The following UBXN7 variants were observed in gnomAD, a reference collection of about 807,000 sequenced individuals.
UBXN7 encodes the protein UBX domain-containing protein 7.
A neutral mutation model predicts 58.0 loss-of-function variants in UBXN7; 9 were observed. The observed-to-expected ratio is 0.16, with a 90% CI of 0.09 to 0.27. The LOEUF (loss-of-function observed/expected upper bound fraction) is 0.27, where lower values mean the gene tolerates loss of function less well. UBXN7 is among the 10% of genes least tolerant of loss of function. The pLI, the probability that UBXN7 is intolerant of heterozygous loss-of-function variation, is 1.00. For missense variants in UBXN7, 328 were observed against 599.6 expected (o/e 0.55, Z 4.73); for synonymous variants, 208 against 205.0 (o/e 1.01, Z -0.12).
chr3:196,432,067 G>T (rs1731080126), intron 1 of UBXN7: 3 of 608,170 alleles, frequency 4.9e-6, no homozygotes, highest in East Asian at 2.9e-5. Flanking sequence ...CCCATTCCCA[G>T]GTCTGGGCTG....
chr3:196,395,662 C>T (rs958041422), intron 3 of UBXN7, among the ~76,000 whole-genome samples: 4 of 152,028 alleles, frequency 2.6e-5, no homozygotes, highest in African/African-American at 7.2e-5. Context: ...GTCACTATAT[C>T]GCCCAGGCTA....
At chr3:196,423,690 A>T (rs1217070927) in intron 1 of UBXN7, among the ~76,000 whole-genome samples, 2 of 152,096 alleles carry the variant, frequency 1.3e-5, no homozygotes, top group Admixed American at 1.3e-4. Flanking sequence ...CCCCCATCTG[A>T]CTTATCCACT....
chr3:196,423,756 G>A (rs1730759871), intron 1 of UBXN7, among the ~76,000 whole-genome samples: 1 of 152,194 alleles, frequency 6.6e-6, no homozygotes, highest in African/African-American at 2.4e-5. Context: ...GTCCTGCATG[G>A]ATGTGAATTT....
intron 5 of UBXN7, among the ~76,000 whole-genome samples, chr3:196,381,719 C>T (rs1313259632): frequency 3.3e-5 from 5 of 152,148 alleles, no homozygotes; most frequent in African/African-American, 4.8e-5. Flanking sequence ...TCGAACCCAT[C>T]GCAAGGAAGC....
chr3:196,386,441 T>C (rs1421704845), intron 5 of UBXN7, among the ~76,000 whole-genome samples: 4 of 143,960 alleles, frequency 2.8e-5, no homozygotes, highest in Admixed American at 7.0e-5. Context: ...TGTTTGCAGA[T>C]GACATGATTG....
At chr3:196,365,794 G>A (rs1728647554) in intron 8 of UBXN7, among the ~76,000 whole-genome samples, 1 of 152,044 alleles carries the variant, frequency 6.6e-6, no homozygotes, top group African/African-American at 2.4e-5. Context: ...CAGATACCAA[G>A]TAGTCACGTA....
chr3:196,361,737 C>T, intron 10 of UBXN7, 107 bp downstream of exon 10: 1 of 934,186 alleles, frequency 1.1e-6, no homozygotes, highest in South Asian at 1.6e-5. Flanking sequence ...ACTTAATAGA[C>T]TATGGAATAA....
At chr3:196,390,659 TG>T (rs1190250452) in intron 5 of UBXN7, among the ~76,000 whole-genome samples, 1 of 151,394 alleles carries the variant, frequency 6.6e-6, no homozygotes, top group East Asian at 1.9e-4. Context: ...GAGAATTACT[TG>T]AACCTGGGAG....
chr3:196,422,497 G>A (rs2108625306), intron 1 of UBXN7, among the ~76,000 whole-genome samples: 1 of 151,228 alleles, frequency 6.6e-6, no homozygotes, highest in South Asian at 2.1e-4. Flanking sequence ...AAAAAAAAAA[G>A]ACAATTAAAA....
chr3:196,366,521 C>T (rs1728671763), intron 8 of UBXN7, among the ~76,000 whole-genome samples: 1 of 151,628 alleles, frequency 6.6e-6, no homozygotes, highest in Non-Finnish European at 1.5e-5. Context: ...AATATCATGC[C>T]ACTGCAGTCC....
chr3:196,418,906 A>G (rs1730588526), intron 1 of UBXN7, among the ~76,000 whole-genome samples: 1 of 152,192 alleles, frequency 6.6e-6, no homozygotes, highest in Non-Finnish European at 1.5e-5. Flanking sequence ...ATCTTCACAC[A>G]ATCATTTAAT....
chr3:196,399,085 C>A (rs1052393018), intron 3 of UBXN7, among the ~76,000 whole-genome samples: 11 of 152,154 alleles, frequency 7.2e-5, no homozygotes, highest in African/African-American at 2.7e-4. Context: ...AAAGAATGTT[C>A]CATGAAAAAA....
rs976633237 is a variant in UBXN7 at position 196,353,312 on chromosome 3, C to T, written c.*3373G>A. 6 of 152,090 alleles carry T rather than the reference C, an allele frequency of 3.9e-5. No individual in the cohort carries two copies. Among genetic ancestry groups the T allele is most frequent in the South Asian group, 2.1e-4 (1 of 4,816 alleles). The allele number at this position is 152,090 out of a possible 1,614,324, so 9.4% of individuals were successfully genotyped here. A position where few individuals can be genotyped will look rare whatever the true frequency, so the allele number is the denominator to read the frequency against. ...AAAGTATACATTTTGTACGATTCTT[C>T]GGGAGATTGAAGAGGCAAATGTACA... On this transcript the variant is annotated 3_prime_UTR_variant, in exon 11 of 11. Transcript: ENST00000296328.
intron 3 of UBXN7, among the ~76,000 whole-genome samples, chr3:196,401,823 G>GAGAAGAGAAGAGAAGAGAAGAGA (rs145395839): frequency 3.9e-4 from 47 of 120,336 alleles, no homozygotes; most frequent in African/African-American, 1.3e-3. Context: ...GAAAAGAGAA[G>GAGAAGAGAAGAGAAGAGAAGAGA]AGAGAAGAGA....
At chr3:196,393,503 T>G in intron 4 of UBXN7, 51 bp downstream of exon 4, 1 of 1,545,634 alleles carries the variant, frequency 6.5e-7, no homozygotes, top group Non-Finnish European at 8.8e-7. Context: ...ATCTTTGTCT[T>G]TTTAATAGGA....
intron 5 of UBXN7, among the ~76,000 whole-genome samples, chr3:196,373,141 T>A (rs1176728096): frequency 2.6e-5 from 4 of 152,254 alleles, no homozygotes; most frequent in African/African-American, 9.6e-5. Flanking sequence ...AAACATCATA[T>A]TAATCTCAGT....
At chr3:196,412,507 G>A (rs1458180406) in intron 1 of UBXN7, among the ~76,000 whole-genome samples, 1 of 152,004 alleles carries the variant, frequency 6.6e-6, no homozygotes, top group African/African-American at 2.4e-5. Flanking sequence ...GTACAACGAG[G>A]GTGGAAAACT....
At chr3:196,356,944 G>A in intron 10 of UBXN7, 98 bp from the exon 11 acceptor site, 1 of 1,408,218 alleles carries the variant, frequency 7.1e-7, no homozygotes, top group Middle Eastern at 1.9e-4. Context: ...AATCATATTA[G>A]ATCAGCTATT....
chr3:196,402,498 G>A (rs1195398695), intron 3 of UBXN7, among the ~76,000 whole-genome samples: 1 of 152,106 alleles, frequency 6.6e-6, no homozygotes, highest in Admixed American at 6.6e-5. Context: ...CTGATTAAAT[G>A]TCCCATTCTC....
Sources: allele counts gnomAD v4.1 joint callset (sites outside exome capture counted in the v4.1 genomes callset), GRCh38; gene constraint gnomAD v4.1.1; transcripts MANE v1.5; gene names NCBI Gene and HGNC (gene_info 2026-07-23, HGNC 2026-07-21).